Variants in SH3RF1 observed in about 807,000 individuals in gnomAD.
The protein encoded by SH3RF1 is SH3 domain containing ring finger 1.
In SH3RF1, 32 loss-of-function variants were observed where a neutral mutation model predicts 74.0. That is an observed-to-expected ratio of 0.43 (90% CI 0.33 to 0.58). The LOEUF (loss-of-function observed/expected upper bound fraction) is 0.58. Among genes scored for constraint, SH3RF1 ranks in the 20% least tolerant of loss-of-function variants. The probability of loss-of-function intolerance (pLI) is 0.05; values close to 1 mark genes in which losing one functional copy is unlikely to be tolerated. For missense variants in SH3RF1, 954 were observed against 1,130.9 expected, an observed-to-expected ratio of 0.84 and a Z score of 2.24; for synonymous variants, 396 against 439.6, an observed-to-expected ratio of 0.90 and a Z score of 1.24.
chr4:169,196,458 G>C (rs143129670), intron 2 of SH3RF1, among the ~76,000 whole-genome samples: 5 of 152,272 alleles, frequency 3.3e-5, no homozygotes, highest in Non-Finnish European at 5.9e-5. Context: ...ATTTTTTATG[G>C]TGTGCTACTG....
intron 2 of SH3RF1, among the ~76,000 whole-genome samples, chr4:169,184,837 A>C (rs147611066): frequency 2.0e-5 from 3 of 152,356 alleles, no homozygotes; most frequent in Non-Finnish European, 4.4e-5. Flanking sequence ...CCTAAACTGG[A>C]CTAAGCAGTA....
At position 169,233,268 on chromosome 4, in the gene SH3RF1, A is replaced by C. The variant is rs956466308; in HGVS notation, c.393+35552T>G. On this transcript the variant is annotated intron_variant, in intron 2 of 11. Transcript: ENST00000284637. ...CATCTCAAAAAAAAAAAAAAAAAAA[A>C]AAAAACCGTGGTTTACTCAGAACAG... Among the ~76,000 whole-genome samples, 6 of 151,586 alleles carry C rather than the reference A, an allele frequency of 4.0e-5. No individual in the cohort carries two copies. In the East Asian group the frequency reaches 9.6e-4, roughly 24 times the overall value.
At chr4:169,254,474 C>T (rs982360157) in intron 2 of SH3RF1, among the ~76,000 whole-genome samples, 3 of 152,046 alleles carry the variant, frequency 2.0e-5, no homozygotes, top group Non-Finnish European at 2.9e-5. Context: ...AAAGCAATTG[C>T]ATTTTGGATT....
chr4:169,187,052 C>T (rs529788510), intron 2 of SH3RF1, among the ~76,000 whole-genome samples: 4 of 151,900 alleles, frequency 2.6e-5, no homozygotes, highest in Admixed American at 2.6e-4. Flanking sequence ...AAAAGATTCT[C>T]TTTAAAACCT....
At chr4:169,098,863 C>T (rs1010191808) in intron 11 of SH3RF1, among the ~76,000 whole-genome samples, 1 of 152,190 alleles carries the variant, frequency 6.6e-6, no homozygotes, top group East Asian at 1.9e-4. Flanking sequence ...TGATGCTCTT[C>T]GTATGGTGTC....
intron 1 of SH3RF1, 92 bp downstream of exon 1, chr4:169,270,767 G>T (rs867110196): frequency 6.6e-6 from 1 of 152,124 alleles, no homozygotes; most frequent in South Asian, 2.1e-4. Context: ...CCAGGGCGGG[G>T]ATGGGGGAAT....
chr4:169,217,976 A>T (rs1414804319), intron 2 of SH3RF1, among the ~76,000 whole-genome samples: 2 of 152,012 alleles, frequency 1.3e-5, no homozygotes, highest in Non-Finnish European at 2.9e-5. Context: ...TCACAACACA[A>T]ATAATATTCT....
intron 2 of SH3RF1, among the ~76,000 whole-genome samples, chr4:169,185,740 C>T (rs1734589652): frequency 6.6e-6 from 1 of 152,120 alleles, no homozygotes. Flanking sequence ...CCCCAGTCTT[C>T]AGAAGAGTCT....
At chr4:169,237,082 A>T (rs6839904) in intron 2 of SH3RF1, among the ~76,000 whole-genome samples, 1,820 of 152,318 alleles carry the variant, frequency 0.012, 41 homozygotes, top group African/African-American at 0.042. Context: ...AAAGAGATTC[A>T]ACAGAAGGAG....
intron 2 of SH3RF1, among the ~76,000 whole-genome samples, chr4:169,173,803 T>C (rs1203937214): frequency 1.3e-5 from 2 of 152,098 alleles, no homozygotes; most frequent in Admixed American, 6.5e-5. Flanking sequence ...AAGTTGGCCA[T>C]GTCTTAGAAC....
chr4:169,206,036 T>C (rs1377702371), intron 2 of SH3RF1, among the ~76,000 whole-genome samples: 1 of 152,162 alleles, frequency 6.6e-6, no homozygotes, highest in Admixed American at 6.5e-5. Context: ...GAATACATAG[T>C]GATAAAACTG....
chr4:169,125,258 C>T (rs1733506450), intron 6 of SH3RF1, among the ~76,000 whole-genome samples: 1 of 152,188 alleles, frequency 6.6e-6, no homozygotes, highest in African/African-American at 2.4e-5. Context: ...CCTCGACTTC[C>T]TTCCCTTGCT....
intron 2 of SH3RF1, among the ~76,000 whole-genome samples, chr4:169,209,379 ATCCGGGATGCTT>A (rs1425088290): frequency 1.3e-5 from 2 of 151,994 alleles, no homozygotes; most frequent in Non-Finnish European, 2.9e-5. Flanking sequence ...GATCCACTTC[ATCCGGGATGCTT>A]TCCCTGATGC....
chr4:169,137,082 C>T (rs925334936), intron 4 of SH3RF1, among the ~76,000 whole-genome samples: 8 of 152,184 alleles, frequency 5.3e-5, no homozygotes, highest in Admixed American at 5.2e-4. Context: ...TAAAAATGAG[C>T]AAGAAGACAA....
At chr4:169,204,785 G>A (rs1378812345) in intron 2 of SH3RF1, among the ~76,000 whole-genome samples, 2 of 151,946 alleles carry the variant, frequency 1.3e-5, no homozygotes, top group African/African-American at 4.8e-5. Context: ...TCCTGACCTC[G>A]TGATCCACCC....
In SH3RF1 at chr4:169,269,101, G is replaced by C. The variant is rs1486549387; in HGVS notation, c.112C>G (p.Leu38Val). 1 of 1,614,024 alleles carries C rather than the reference G, an allele frequency of 6.2e-7. No homozygotes were observed. Among genetic ancestry groups the C allele is most frequent in the African/African-American group, 1.3e-5 (1 of 74,934 alleles). The change falls in exon 2 of 12, where the codon CTG (leucine) becomes GTG (valine). Residue 38 changes from leucine to valine, a missense_variant. By Grantham distance (32) the Leu-to-Val change is conservative (BLOSUM62 1). This residue lies in a region of SH3RF1 where 64 missense variants were observed against 101.9 expected (regional missense o/e 0.63). Coordinates refer to ENST00000284637, the MANE Select transcript of SH3RF1 (RefSeq NM_020870.4). ...CQHTFCKRCL[L>V]GIVGSRNELR... ...TCATTTCGAGAACCTACGATCCCCA[G>C]CAAACATCGCTTGCAAAACGTATGC... is the stretch of plus-strand genomic sequence containing the variant.
At chr4:169,265,958 C>G (rs1731345873) in intron 2 of SH3RF1, among the ~76,000 whole-genome samples, 1 of 152,184 alleles carries the variant, frequency 6.6e-6, no homozygotes, top group East Asian at 1.9e-4. Context: ...TGCATTTTAA[C>G]TTCTGCAGCT....
chr4:169,232,034 G>A (rs990501614), intron 2 of SH3RF1, among the ~76,000 whole-genome samples: 2 of 152,200 alleles, frequency 1.3e-5, no homozygotes, highest in African/African-American at 2.4e-5. Context: ...ACCAGGCCAG[G>A]TTTCTGGTTA....
At chr4:169,184,737 T>G (rs192855622) in intron 2 of SH3RF1, among the ~76,000 whole-genome samples, 1 of 152,338 alleles carries the variant, frequency 6.6e-6, no homozygotes, top group African/African-American at 2.4e-5. Context: ...ATTTATTTTT[T>G]GCACACTGGC....
Sources: gnomAD v4.1 joint callset for allele counts (sites outside exome capture counted in the v4.1 genomes callset) on GRCh38, gnomAD v4.1.1 for gene constraint, gnomAD v4.1.1 regional missense constraint, MANE v1.5 for transcripts, NCBI Gene and HGNC (gene_info 2026-07-23, HGNC 2026-07-21) for gene names.